Variants in SLC5A8 observed in about 807,000 individuals in gnomAD.
SLC5A8 encodes sodium-coupled monocarboxylate transporter 1.
A neutral mutation model predicts 71.9 loss-of-function variants in SLC5A8; 55 were observed. The ratio of observed to expected loss-of-function variants is 0.77; its 90% CI spans 0.62 to 0.96. The LOEUF is 0.96. Among genes scored for constraint, SLC5A8 ranks in the 40% least tolerant of loss-of-function variants. SLC5A8 has a pLI of 0.00. For synonymous variants in SLC5A8, 307 were observed against 276.1 expected (o/e 1.11, Z -1.11); for missense variants, 701 against 745.3 (o/e 0.94, Z 0.69).
intron 6 of SLC5A8, among the ~76,000 whole-genome samples, chr12:101,188,088 A>T (rs552408466): frequency 3.9e-5 from 6 of 152,202 alleles, no homozygotes; most frequent in Non-Finnish European, 7.3e-5. Context: ...TACACACAGC[A>T]CTGGAGCCAG....
Position 101,209,493 on chromosome 12 carries a change from C to G in SLC5A8, c.351+5G>C, listed in dbSNP as rs1351365274. The G allele has an allele frequency of 6.3e-7, 1 of 1,580,114 alleles. No individual in the cohort carries two copies. The highest frequency in any genetic ancestry group is 1.2e-5 in the South Asian group (1 of 85,500). On this transcript the variant is annotated splice_donor_5th_base_variant and intron_variant, in intron 1 of 14. Coordinates refer to ENST00000536262, the MANE Select transcript of SLC5A8 (RefSeq NM_145913.5). ...TGCATGGTCCCAGCCCACCCTGCCCCTTACCTCGTAGGTGCTGGTAATTCC... is the reference window on the plus strand; with the variant it reads ...TGCATGGTCCCAGCCCACCCTGCCCGTTACCTCGTAGGTGCTGGTAATTCC...
At chr12:101,177,851 T>G (rs541309743) in intron 10 of SLC5A8, among the ~76,000 whole-genome samples, 37 of 152,276 alleles carry the variant, frequency 2.4e-4, no homozygotes, top group African/African-American at 8.7e-4. Flanking sequence ...CTCTCACTAC[T>G]TCTATTCAAC....
intron 10 of SLC5A8, among the ~76,000 whole-genome samples, chr12:101,176,501 C>A (rs892280950): frequency 3.3e-5 from 5 of 151,974 alleles, no homozygotes; most frequent in African/African-American, 1.2e-4. Flanking sequence ...TTTTCAAGTG[C>A]TCATGGAACA....
At position 101,182,935 on chromosome 12, in the gene SLC5A8, T is replaced by A. The variant is rs778272497; in HGVS notation, c.1053-20A>T. The A allele has an allele frequency of 7.2e-7, 1 of 1,391,364 alleles. No homozygotes were observed. The highest frequency in any genetic ancestry group is 2.7e-5 in the Admixed American group (1 of 37,052). 86.2% of individuals were successfully genotyped at this position (1,391,364 alleles called of 1,614,324 possible). A position where few individuals can be genotyped will look rare whatever the true frequency, so the allele number is the denominator to read the frequency against. ...ACTGTGCTGTAAGGGAAAATAAAACTTTTGATTTATAATATTTTACCTTTA... is the reference window on the plus strand; with the variant it reads ...ACTGTGCTGTAAGGGAAAATAAAACATTTGATTTATAATATTTTACCTTTA... On this transcript the variant is annotated intron_variant, in intron 8 of 14. Coordinates refer to ENST00000536262, the MANE Select transcript of SLC5A8 (RefSeq NM_145913.5).
intron 1 of SLC5A8, among the ~76,000 whole-genome samples, chr12:101,207,290 G>A (rs1250261349): frequency 2.0e-5 from 3 of 152,200 alleles, no homozygotes; most frequent in Admixed American, 6.5e-5. Context: ...CCAGTATGCT[G>A]CTAGGCATAT....
At chr12:101,196,420 A>C (rs1436900697) in intron 3 of SLC5A8, among the ~76,000 whole-genome samples, 1 of 152,218 alleles carries the variant, frequency 6.6e-6, no homozygotes, top group Non-Finnish European at 1.5e-5. Flanking sequence ...CAAAGCCAAA[A>C]AATTACTCCT....
Position 101,182,718 on chromosome 12 carries a change from C to T in SLC5A8, c.1165+85G>A, listed in dbSNP as rs997929353. 25 of 879,416 alleles carry T rather than the reference C, an allele frequency of 2.8e-5. No homozygotes were observed. The African/African-American group carries it at 3.2e-4, about 11-fold the overall frequency. 54.5% of individuals were successfully genotyped at this position (879,416 alleles called of 1,614,324 possible). ...CCAGTCATATTCAGAGGTCCTTCCT[C>T]TGTAGCTTCAGTGGAAAAGAAATTT... On this transcript the variant is annotated intron_variant, in intron 9 of 14. Coordinates refer to ENST00000536262, the MANE Select transcript of SLC5A8 (RefSeq NM_145913.5).
chr12:101,177,446 C>T (rs1279283524), intron 10 of SLC5A8, among the ~76,000 whole-genome samples: 57 of 74,592 alleles, frequency 7.6e-4, no homozygotes, highest in Middle Eastern at 8.2e-3. Context: ...GCAGTATATA[C>T]ACACACACAC....
chr12:101,185,280 A>T (rs1203910802), intron 7 of SLC5A8, among the ~76,000 whole-genome samples: 1 of 152,230 alleles, frequency 6.6e-6, no homozygotes, highest in Non-Finnish European at 1.5e-5. Context: ...TTTTTCCAAG[A>T]TATCATAAAG....
At chr12:101,189,705 A>G (rs777364111) in intron 6 of SLC5A8, among the ~76,000 whole-genome samples, 2 of 151,536 alleles carry the variant, frequency 1.3e-5, no homozygotes, top group African/African-American at 2.4e-5. Context: ...CATCCAAATC[A>G]CTCCACCTAC....
At chr12:101,159,504 T>C (rs2051705584) in intron 13 of SLC5A8, among the ~76,000 whole-genome samples, 1 of 152,220 alleles carries the variant, frequency 6.6e-6, no homozygotes, top group African/African-American at 2.4e-5. Context: ...ATGGGAGTTT[T>C]AGTATACTAC....
Position 101,158,318 on chromosome 12 carries a change from T to C in SLC5A8, c.1641A>G (p.Lys547=). The change falls in exon 14 of 15, where the codon AAA becomes AAG. Residue 547 remains lysine, a synonymous_variant. Coordinates refer to ENST00000536262, the MANE Select transcript of SLC5A8 (RefSeq NM_145913.5). ...GTATGTATCTGGGGTCTAAGTTCTG[T>C]TTTCTTCCTCCTGGAAAAAAAAATG... ...ILVSLSTGGR[K]QNLDPRYILT... is the part of the protein sequence containing the mutation. The C allele has an allele frequency of 6.3e-7, 1 of 1,584,516 alleles. No individual in the cohort carries two copies. The highest frequency in any genetic ancestry group is 8.6e-7 in the Non-Finnish European group (1 of 1,162,396).
chr12:101,165,576 T>C (rs1356481057), intron 12 of SLC5A8, among the ~76,000 whole-genome samples: 1 of 152,106 alleles, frequency 6.6e-6, no homozygotes, highest in African/African-American at 2.4e-5. Flanking sequence ...CACTCTACCA[T>C]ACACAGCTTA....
intron 10 of SLC5A8, among the ~76,000 whole-genome samples, chr12:101,178,617 G>T (rs892108618): frequency 6.6e-6 from 1 of 152,146 alleles, no homozygotes. Flanking sequence ...GAGGAAAAGA[G>T]AATGTCAACC....
In SLC5A8 at chr12:101,184,483, A is replaced by G. The variant is rs558155465; in HGVS notation, c.964-261T>C. On this transcript the variant is annotated intron_variant, in intron 7 of 14. Transcript: ENST00000536262. The stretch of plus-strand genomic sequence containing the variant: ...GTTCTGAGCCTCAGTTTCCTCATCT[A>G]TAGAATAGTTGTAATAATACTAACC... 1.1e-4 allele frequency among the ~76,000 whole-genome samples: 17 copies of G among 152,310 alleles called. No homozygotes were observed. The South Asian group carries it at 1.7e-3, about 15-fold the overall frequency.
chr12:101,192,187 G>T (rs1384910572), intron 5 of SLC5A8, among the ~76,000 whole-genome samples: 1 of 152,184 alleles, frequency 6.6e-6, no homozygotes, highest in African/African-American at 2.4e-5. Flanking sequence ...TGGCCAAGGG[G>T]TGGAACCAAG....
chr12:101,207,153 C>T (rs1005993210), intron 1 of SLC5A8, among the ~76,000 whole-genome samples: 2 of 152,258 alleles, frequency 1.3e-5, no homozygotes, highest in Non-Finnish European at 2.9e-5. Context: ...CTGCCTGGCA[C>T]CCTGGAGGTG....
intron 1 of SLC5A8, among the ~76,000 whole-genome samples, chr12:101,205,541 A>G (rs2137172356): frequency 6.6e-6 from 1 of 152,320 alleles, no homozygotes; most frequent in African/African-American, 2.4e-5. Context: ...GCTGACAACA[A>G]TCTTCATAGA....
chr12:101,202,401 A>G (rs896755790), intron 2 of SLC5A8, among the ~76,000 whole-genome samples, 186 bp from the exon 3 acceptor site: 3 of 152,324 alleles, frequency 2.0e-5, no homozygotes, highest in South Asian at 4.1e-4. Context: ...TCTTCTGTTT[A>G]CGGTATGACC....
Sources: allele counts gnomAD v4.1 joint callset (sites outside exome capture counted in the v4.1 genomes callset), GRCh38; gene constraint gnomAD v4.1.1; transcripts MANE v1.5; gene names NCBI Gene and HGNC (gene_info 2026-07-23, HGNC 2026-07-21).